Variants in ABCA13 observed in about 807,000 individuals in gnomAD.
ABCA13 encodes ATP binding cassette subfamily A member 13, also known as ATP-binding cassette sub-family A member 13.
Under a neutral mutation model 478.7 loss-of-function variants are expected in ABCA13, and 476 were observed. The ratio of observed to expected loss-of-function variants is 0.99; its 90% CI spans 0.92 to 1.07. ABCA13 has a LOEUF of 1.07. Ranked by LOEUF, ABCA13 falls within the 50% of genes least tolerant of loss-of-function variation. The pLI is 0.00. For synonymous variants in ABCA13, 2,252 were observed against 2,158.9 expected (o/e 1.04, Z -1.20); for missense variants, 6,060 against 5,910.6 (o/e 1.03, Z -0.83).
At chr7:48,552,733 A>G (rs777403609) in intron 55 of ABCA13, among the ~76,000 whole-genome samples, 2 of 151,600 alleles carry the variant, frequency 1.3e-5, no homozygotes, top group Non-Finnish European at 3.0e-5. Flanking sequence ...TATGGGGTAC[A>G]TGAGATACTT....
chr7:48,272,452 T>C lies in ABCA13; in HGVS notation c.2786T>C (p.Leu929Pro). The part of the protein sequence containing the change: ...TVYAIRNASD[L>P]FSALSEPQKQ... Reference sequence around the variant, plus strand: ...TACGCTATCAGGAATGCATCTGATCTTTTCTCAGCCCTTTCTGAACCACAA... The same window carrying C: ...TACGCTATCAGGAATGCATCTGATCCTTTCTCAGCCCTTTCTGAACCACAA... Residue 929 changes from leucine to proline, a missense_variant, in exon 17 of 62, where the codon CTT becomes CCT. Physicochemically the swap from Leu to Pro is moderately conservative, Grantham distance 98. Around this residue, in one of 3 missense-constraint regions of ABCA13, gnomAD observed 4,423 missense variants for 4,309.1 expected, o/e 1.03. Transcript: ENST00000435803. 6.2e-7 allele frequency: 1 copy of C among 1,613,802 alleles called. No individual in the cohort carries two copies. Among genetic ancestry groups the C allele is most frequent in the East Asian group, 2.2e-5 (1 of 44,868 alleles).
At chr7:48,408,720 G>T (rs1314914278) in intron 39 of ABCA13, among the ~76,000 whole-genome samples, 3 of 152,076 alleles carry the variant, frequency 2.0e-5, no homozygotes, top group African/African-American at 7.2e-5. Flanking sequence ...AAATTCAGGG[G>T]TACATGTGCA....
chr7:48,252,613 T>C (rs1279830617), intron 15 of ABCA13, among the ~76,000 whole-genome samples: 1 of 152,222 alleles, frequency 6.6e-6, no homozygotes, highest in East Asian at 1.9e-4. Context: ...ATTATAATCT[T>C]ACGGGACCAA....
rs763743530 is a variant in ABCA13 at position 48,317,155 on chromosome 7, A to G, written c.9860-2A>G. On this transcript the variant is annotated splice_acceptor_variant, in intron 26 of 61. Coordinates refer to ENST00000435803, the MANE Select transcript of ABCA13 (RefSeq NM_152701.5). LOFTEE classifies it high-confidence loss of function. ...CTTTTTTTTTCTTTCTAATTGCAAC[A>G]GCACCGTTTTGCTTGAAGCTTTATC... 4 of 1,609,398 alleles carry G rather than the reference A, an allele frequency of 2.5e-6. No individual in the cohort carries two copies. Among genetic ancestry groups the G allele is most frequent in the Non-Finnish European group, 2.5e-6 (3 of 1,178,788 alleles).
chr7:48,421,675 A>G (rs972427641), intron 41 of ABCA13, among the ~76,000 whole-genome samples: 1 of 152,216 alleles, frequency 6.6e-6, no homozygotes, highest in African/African-American at 2.4e-5. Flanking sequence ...TGGCTGCTCA[A>G]TACGCTCATG....
chr7:48,454,575 G>A (rs746279063), intron 42 of ABCA13, among the ~76,000 whole-genome samples: 1 of 152,118 alleles, frequency 6.6e-6, no homozygotes, highest in African/African-American at 2.4e-5. Context: ...AGTGGAAGGC[G>A]CCGGGAGGAG....
chr7:48,402,038 A>G (rs1394964946), intron 38 of ABCA13, among the ~76,000 whole-genome samples: 1 of 152,180 alleles, frequency 6.6e-6, no homozygotes, highest in African/African-American at 2.4e-5. Context: ...AGGACTGCAC[A>G]GGTGGGGACA....
intron 1 of ABCA13, among the ~76,000 whole-genome samples, chr7:48,186,024 T>C (rs1796308546): frequency 6.6e-6 from 1 of 151,988 alleles, no homozygotes; most frequent in South Asian, 2.1e-4. Context: ...GATATTAACA[T>C]AACTAATTTG....
At position 48,274,192 on chromosome 7, in the gene ABCA13, C is replaced by A. The variant is rs1238662219; in HGVS notation, c.4526C>A (p.Thr1509Lys). 3 of 1,612,146 alleles carry A rather than the reference C, an allele frequency of 1.9e-6. No individual in the cohort carries two copies. Among genetic ancestry groups the A allele is most frequent in the African/African-American group, 2.7e-5 (2 of 74,890 alleles). Residue 1509 changes from threonine (T) to lysine (K), a missense_variant, in exon 17 of 62, where the codon ACA (threonine) becomes AAA (lysine). By Grantham distance (78) the Thr-to-Lys change is moderately conservative. Coordinates refer to ENST00000435803, the MANE Select transcript of ABCA13 (RefSeq NM_152701.5). Reference protein sequence around the residue: ...QVRMSINNLTTDFDFASQSNW... With the variant: ...QVRMSINNLTKDFDFASQSNW... ...AGGATGAGTATCAACAACTTAACAA[C>A]AGACTTTGATTTTGCATCTCAGTCC... is the stretch of plus-strand genomic sequence containing the variant.
At chr7:48,587,421 T>G (rs1789293024) in intron 57 of ABCA13, 133 bp downstream of exon 57, 1 of 1,053,878 alleles carries the variant, frequency 9.5e-7, no homozygotes, top group Non-Finnish European at 1.3e-6. Flanking sequence ...TAAACTGTTT[T>G]GCCATAAGCC....
At chr7:48,623,225 A>C (rs929063035) in intron 59 of ABCA13, among the ~76,000 whole-genome samples, 1 of 152,210 alleles carries the variant, frequency 6.6e-6, no homozygotes. Context: ...TTGAGACCTC[A>C]TCATCCTACT....
chr7:48,212,389 A>T (rs895989536), intron 3 of ABCA13, among the ~76,000 whole-genome samples: 6 of 152,230 alleles, frequency 3.9e-5, no homozygotes, highest in Non-Finnish European at 8.8e-5. Context: ...CTTAAATGTT[A>T]TGAACATTAA....
At chr7:48,339,865 G>A (rs1001634633) in intron 29 of ABCA13, among the ~76,000 whole-genome samples, 13 of 152,160 alleles carry the variant, frequency 8.5e-5, no homozygotes, top group African/African-American at 3.1e-4. Context: ...ATTCACGGGT[G>A]GGGTGGCGGT....
intron 14 of ABCA13, among the ~76,000 whole-genome samples, chr7:48,248,740 T>C (rs943552327): frequency 2.6e-5 from 4 of 152,138 alleles, no homozygotes; most frequent in African/African-American, 4.8e-5. Flanking sequence ...TACTCAGAAA[T>C]TGTGCACTAA....
chr7:48,508,597 A>G (rs958289221), intron 50 of ABCA13, among the ~76,000 whole-genome samples: 1 of 152,170 alleles, frequency 6.6e-6, no homozygotes, highest in Non-Finnish European at 1.5e-5. Context: ...AAGTAAAAAA[A>G]AGCATCTTAT....
intron 14 of ABCA13, among the ~76,000 whole-genome samples, chr7:48,248,734 C>G (rs910778950): frequency 6.6e-6 from 1 of 152,104 alleles, no homozygotes; most frequent in Non-Finnish European, 1.5e-5. Context: ...GTTAATTACT[C>G]AGAAATTGTG....
intron 42 of ABCA13, among the ~76,000 whole-genome samples, chr7:48,438,884 G>GTTTTGTTTTTT (rs377348909): frequency 7.2e-6 from 1 of 139,424 alleles, no homozygotes; most frequent in African/African-American, 2.7e-5. Context: ...TTTTGCTAAG[G>GTTTTGTTTTTT]TTTTTTTTTT....
At chr7:48,536,417 G>T (rs767691785) in intron 55 of ABCA13, among the ~76,000 whole-genome samples, 3 of 152,184 alleles carry the variant, frequency 2.0e-5, no homozygotes, top group African/African-American at 7.2e-5. Context: ...GGAGGCCGAG[G>T]TGGGAGGATC....
In ABCA13 at chr7:48,594,748, G is replaced by T. The variant is rs375682119; in HGVS notation, c.14679G>T (p.Arg4893=). The T allele has an allele frequency of 3.0e-5, 48 of 1,613,828 alleles. No homozygotes were observed. The highest frequency in any genetic ancestry group is 3.7e-5 in the Non-Finnish European group (44 of 1,179,830). ...CTGGGATGGATCCCTGCTCTAAGCG[G>T]TACCTGTGGCAAACAATAATGAAGG... ...PSSGMDPCSK[R]YLWQTIMKEV... Residue 4893 remains arginine, a synonymous_variant, in exon 58 of 62, where the codon CGG becomes CGT. Transcript: ENST00000435803.
Sources: allele counts gnomAD v4.1 joint callset (sites outside exome capture counted in the v4.1 genomes callset), GRCh38; gene constraint gnomAD v4.1.1; regional missense constraint gnomAD v4.1.1; transcripts MANE v1.5; gene names NCBI Gene and HGNC (gene_info 2026-07-23, HGNC 2026-07-21).